The following TUSC3 variants were observed in gnomAD, a reference collection of about 807,000 sequenced individuals.
The protein encoded by TUSC3 is tumor suppressor candidate 3.
Under a neutral mutation model 44.8 loss-of-function variants are expected in TUSC3, and 45 were observed. That is an observed-to-expected ratio of 1.00 (90% CI 0.79 to 1.29). TUSC3 has a LOEUF of 1.29. Ranked by LOEUF, TUSC3 falls within the 50% of genes most tolerant of loss-of-function variation. The pLI is 0.00. For missense variants in TUSC3, 519 were observed against 437.9 expected (o/e 1.19, Z -1.65); for synonymous variants, 212 against 152.9 (o/e 1.39, Z -2.85).
intron 7 of TUSC3, among the ~76,000 whole-genome samples, chr8:15,740,838 C>A (rs1368022590): frequency 2.6e-5 from 4 of 152,098 alleles, no homozygotes; most frequent in African/African-American, 9.7e-5. Context: ...AAAATATATT[C>A]TTTGCAGGAA....
the TUSC3 span, among the ~76,000 whole-genome samples, chr8:15,816,638 C>G: frequency 6.6e-6 from 1 of 152,158 alleles, no homozygotes. Context: ...TCATTCATTA[C>G]AAGCTTTTAG....
intron 2 of TUSC3, among the ~76,000 whole-genome samples, chr8:15,490,506 G>C (rs867128587): frequency 2.0e-5 from 3 of 152,246 alleles, no homozygotes; most frequent in Middle Eastern, 6.8e-3. Flanking sequence ...TGACGTTGAG[G>C]TTTGGGAAAT....
At chr8:15,849,681 A>G in the TUSC3 span, among the ~76,000 whole-genome samples, 1 of 152,132 alleles carries the variant, frequency 6.6e-6, no homozygotes, top group Non-Finnish European at 1.5e-5. Context: ...GGGTAAAAAT[A>G]AAGCTGGCTG....
chr8:15,758,689 C>A (rs1427571548), intron 10 of TUSC3, among the ~76,000 whole-genome samples: 5 of 152,022 alleles, frequency 3.3e-5, no homozygotes, highest in Admixed American at 3.3e-4. Context: ...TGTCCCTTAG[C>A]CCCTGCATTC....
chr8:15,498,111 C>G (rs1325770712), intron 2 of TUSC3, among the ~76,000 whole-genome samples: 1 of 151,948 alleles, frequency 6.6e-6, no homozygotes, highest in Non-Finnish European at 1.5e-5. Context: ...GATGACCTAT[C>G]AAAAAGGAAA....
intron 1 of TUSC3, among the ~76,000 whole-genome samples, chr8:15,602,923 T>C (rs1804352665): frequency 6.6e-6 from 1 of 151,702 alleles, no homozygotes; most frequent in Non-Finnish European, 1.5e-5. Context: ...TAAGTATTAA[T>C]AACACTTTAA....
chr8:15,831,658 T>C, the TUSC3 span, among the ~76,000 whole-genome samples: 1 of 152,028 alleles, frequency 6.6e-6, no homozygotes, highest in Non-Finnish European at 1.5e-5. Flanking sequence ...CATAATATAA[T>C]CACAAGTGTT....
chr8:15,589,793 T>C (rs1233346869), intron 1 of TUSC3, among the ~76,000 whole-genome samples: 4 of 152,170 alleles, frequency 2.6e-5, no homozygotes, highest in African/African-American at 9.6e-5. Context: ...ATAGTCAGTG[T>C]CCTACCAAAA....
At chr8:15,523,303 G>A (rs1345135551) in intron 2 of TUSC3, among the ~76,000 whole-genome samples, 2 of 152,102 alleles carry the variant, frequency 1.3e-5, no homozygotes, top group Non-Finnish European at 2.9e-5. Context: ...GGGAGTGAGG[G>A]TGTAAGATGA....
At chr8:15,555,111 A>C (rs1182354213) in intron 1 of TUSC3, among the ~76,000 whole-genome samples, 3 of 146,372 alleles carry the variant, frequency 2.0e-5, no homozygotes, top group Non-Finnish European at 3.0e-5. Flanking sequence ...TTGATTAGGT[A>C]CGTAGGTGAC....
intron 1 of TUSC3, among the ~76,000 whole-genome samples, chr8:15,423,969 G>GTTTTTTTTTTTTTTTTTTTTTTTT (rs112397215): frequency 2.8e-5 from 2 of 70,362 alleles, no homozygotes; most frequent in Non-Finnish European, 3.1e-5. Context: ...GTTTTGCTTT[G>GTTTTTTTTTTTTTTTTTTTTTTTT]TTTTTTTTTT....
chr8:15,722,185 A>T (rs940775216), intron 6 of TUSC3, among the ~76,000 whole-genome samples: 1 of 151,124 alleles, frequency 6.6e-6, no homozygotes, highest in African/African-American at 2.4e-5. Flanking sequence ...AGGGGCAGCT[A>T]TCGTGAATTA....
chr8:15,524,367 A>G (rs1049573703), intron 2 of TUSC3, among the ~76,000 whole-genome samples: 2 of 152,196 alleles, frequency 1.3e-5, no homozygotes, highest in Middle Eastern at 3.2e-3. Flanking sequence ...TGTCTAATGG[A>G]AAGGAATTGT....
rs79847343 is a variant in TUSC3, at chr8:15,645,756, T to C, written c.309-4941T>C. ...CCTTTGAGTCATGAACACTATTCCT[T>C]TGACAAACAGCATATGTTTGTGATA... On this transcript the variant is annotated intron_variant, in intron 2 of 10. Coordinates refer to ENST00000503731, the MANE Select transcript of TUSC3 (RefSeq NM_006765.4). Among the ~76,000 whole-genome samples, 775 of 152,190 alleles carry C rather than the reference T, an allele frequency of 5.1e-3. 1 individual carries two copies. The highest frequency in any genetic ancestry group is 7.1e-3 in the Non-Finnish European group (482 of 67,944).
chr8:15,548,307 C>T (rs567475529), intron 1 of TUSC3, among the ~76,000 whole-genome samples: 1 of 151,808 alleles, frequency 6.6e-6, no homozygotes, highest in Non-Finnish European at 1.5e-5. Flanking sequence ...GGACACTTGC[C>T]AGCCCTAAGC....
chr8:15,489,188 C>G (rs3959103), intron 2 of TUSC3, among the ~76,000 whole-genome samples: 69,440 of 151,964 alleles, frequency 0.46, 16,139 homozygotes, highest in East Asian at 0.66. Flanking sequence ...CCTGTAAGGT[C>G]TACATTGGTT....
chr8:15,531,810 C>T lies in TUSC3; in HGVS notation n.189+48327C>T, dbSNP rs115967215. Among the ~76,000 whole-genome samples, 948 of 152,296 alleles carry T rather than the reference C, an allele frequency of 6.2e-3. 5 individuals are homozygous for T. The highest frequency in any genetic ancestry group is 0.018 in the African/African-American group (750 of 41,566). On this transcript the variant is annotated intron_variant and non_coding_transcript_variant, in intron 2 of 5. Coordinates refer to the TUSC3 transcript ENST00000503191. ...CTCAATTATACGGTATACTTACCTTCTGACTGGTGATATTTCCTAGAGATA... is the reference window on the plus strand; with the variant it reads ...CTCAATTATACGGTATACTTACCTTTTGACTGGTGATATTTCCTAGAGATA...
chr8:15,748,685 T>A (rs1811530568), intron 9 of TUSC3: 7 of 681,882 alleles, frequency 1.0e-5, no homozygotes, highest in Non-Finnish European at 1.9e-5. Context: ...AGTTTCTTTC[T>A]AGACATACAT....
At chr8:15,522,398 A>G (rs1801310769) in intron 2 of TUSC3, among the ~76,000 whole-genome samples, 1 of 152,030 alleles carries the variant, frequency 6.6e-6, no homozygotes, top group Non-Finnish European at 1.5e-5. Flanking sequence ...ACACATGTCT[A>G]AATTTTATAT....
Sources: allele counts gnomAD v4.1 joint callset (sites outside exome capture counted in the v4.1 genomes callset), GRCh38; gene constraint gnomAD v4.1.1; transcripts MANE v1.5; gene names NCBI Gene and HGNC (gene_info 2026-07-23, HGNC 2026-07-21).